CYYR1: variants seen among roughly 807,000 people sequenced by gnomAD.
CYYR1 encodes cysteine and tyrosine-rich protein 1.
In CYYR1, 14 loss-of-function variants were observed where a neutral mutation model predicts 15.2. That is an observed-to-expected ratio of 0.92 (90% confidence interval 0.61 to 1.44). The LOEUF is 1.44. Ranked by LOEUF, CYYR1 falls within the 40% of genes most tolerant of loss-of-function variation. The probability of loss-of-function intolerance (pLI) is 0.00; values close to 1 mark genes in which losing one functional copy is unlikely to be tolerated. For missense variants in CYYR1, 228 were observed against 209.5 expected, an observed-to-expected ratio of 1.09 and a Z score of -0.54; for synonymous variants, 80 against 77.4, an observed-to-expected ratio of 1.03 and a Z score of -0.18.
chr21:26,549,204 C>T (rs187295213), intron 2 of CYYR1, among the ~76,000 whole-genome samples: 2 of 152,274 alleles, frequency 1.3e-5, no homozygotes, highest in East Asian at 1.9e-4. Context: ...TCTTTTCTCT[C>T]ATGTGCTACT....
chr21:26,473,494 G>A (rs186511598), intron 3 of CYYR1, among the ~76,000 whole-genome samples: 50 of 152,242 alleles, frequency 3.3e-4, no homozygotes, highest in African/African-American at 1.0e-3. Flanking sequence ...GAGAAAGACA[G>A]GTTTCCTTAT....
intron 2 of CYYR1, among the ~76,000 whole-genome samples, chr21:26,511,261 A>G (rs568751397): frequency 2.0e-5 from 3 of 152,356 alleles, no homozygotes; most frequent in Non-Finnish European, 4.4e-5. Flanking sequence ...TATTAGTAAC[A>G]TCTTTACAGT....
rs750724977 is a variant in CYYR1 at position 26,468,561 on chromosome 21, G to T, written c.408C>A (p.Thr136=). 3.8e-5 allele frequency: 61 copies of T among 1,613,496 alleles called. No individual in the cohort carries two copies. Among genetic ancestry groups the T allele is most frequent in the Non-Finnish European group, 4.8e-5 (57 of 1,179,696 alleles). Residue 136 remains threonine (T), a synonymous_variant, in exon 4 of 4, where the codon ACC becomes ACA. Coordinates refer to ENST00000652641, the MANE Select transcript of CYYR1 (RefSeq NM_001320768.2). ...GAGAACGCTGTGCTGGACCCTGTGG[G>T]GTGGGGGAGTATGGAGGAGGCAAGT... is the stretch of plus-strand genomic sequence containing the variant. ...CADLPPPYSP[T]PQGPAQRSPP...
chr21:26,482,993 C>T (rs2065202760), intron 2 of CYYR1, among the ~76,000 whole-genome samples: 1 of 151,858 alleles, frequency 6.6e-6, no homozygotes, highest in Non-Finnish European at 1.5e-5. Context: ...ATTTTTTCTT[C>T]ACTATTTTCT....
intron 2 of CYYR1, among the ~76,000 whole-genome samples, chr21:26,530,646 T>C (rs1331091358): frequency 6.6e-6 from 1 of 152,028 alleles, no homozygotes; most frequent in Non-Finnish European, 1.5e-5. Context: ...CGGTGTGTGA[T>C]GTTCCCCTCC....
intron 2 of CYYR1, among the ~76,000 whole-genome samples, chr21:26,544,842 T>C (rs781010386): frequency 2.6e-5 from 4 of 152,054 alleles, no homozygotes; most frequent in Non-Finnish European, 4.4e-5. Context: ...TCCCAGCACT[T>C]TGGGAGGTTG....
chr21:26,533,799 G>C (rs1569163741), intron 2 of CYYR1, among the ~76,000 whole-genome samples: 1 of 152,140 alleles, frequency 6.6e-6, no homozygotes, highest in Admixed American at 6.6e-5. Flanking sequence ...AATGCTTGCT[G>C]TTCGTCTGAG....
intron 2 of CYYR1, chr21:26,483,318 C>T (rs2065208582): frequency 3.2e-6 from 1 of 313,458 alleles, no homozygotes; most frequent in Admixed American, 6.5e-5. Flanking sequence ...TTTCCTCGTC[C>T]TGTCTGGGTT....
intron 2 of CYYR1, among the ~76,000 whole-genome samples, chr21:26,536,610 T>C (rs1488289756): frequency 6.6e-6 from 1 of 152,196 alleles, no homozygotes; most frequent in Non-Finnish European, 1.5e-5. Flanking sequence ...AAGCTTTGCT[T>C]TTAAAATTCA....
At chr21:26,540,367 C>CT (rs1752005770) in intron 2 of CYYR1, among the ~76,000 whole-genome samples, 1 of 152,110 alleles carries the variant, frequency 6.6e-6, no homozygotes, top group Non-Finnish European at 1.5e-5. Context: ...TCAGAATAAG[C>CT]TAGTTAGCTA....
intron 3 of CYYR1, among the ~76,000 whole-genome samples, chr21:26,473,275 C>T (rs1569136892): frequency 6.6e-6 from 1 of 152,034 alleles, no homozygotes; most frequent in Non-Finnish European, 1.5e-5. Context: ...TTTCCTTAAC[C>T]CCACCCAGAA....
At chr21:26,482,565 A>G in intron 2 of CYYR1, 1 of 956,272 alleles carries the variant, frequency 1.0e-6, no homozygotes, top group Non-Finnish European at 1.2e-6. Flanking sequence ...TGTTTGTTGA[A>G]GCACGTTCCT....
At chr21:26,517,058 T>C (rs1365094688) in intron 2 of CYYR1, among the ~76,000 whole-genome samples, 1 of 123,644 alleles carries the variant, frequency 8.1e-6, no homozygotes, top group Non-Finnish European at 1.6e-5. Context: ...GAGCTTGCAG[T>C]GAGCCGAGAT....
At chr21:26,488,557 C>T (rs981691206) in intron 2 of CYYR1, among the ~76,000 whole-genome samples, 18 of 152,060 alleles carry the variant, frequency 1.2e-4, no homozygotes, top group Admixed American at 2.6e-4. Flanking sequence ...CTGGCGAGTA[C>T]TACATCTTCC....
chr21:26,549,591 C>T (rs1450709630), intron 2 of CYYR1, among the ~76,000 whole-genome samples: 1 of 152,056 alleles, frequency 6.6e-6, no homozygotes, highest in African/African-American at 2.4e-5. Context: ...ATTCTGTATG[C>T]TGTATGTTAA....
chr21:26,524,112 G>C (rs976306649), intron 2 of CYYR1, among the ~76,000 whole-genome samples: 1 of 152,106 alleles, frequency 6.6e-6, no homozygotes, highest in African/African-American at 2.4e-5. Context: ...GTAGGTTAAG[G>C]GTGGCCTATA....
chr21:26,481,271 G>A (rs1003911321), intron 2 of CYYR1, among the ~76,000 whole-genome samples: 1 of 152,120 alleles, frequency 6.6e-6, no homozygotes, highest in Admixed American at 6.6e-5. Context: ...TAGCACATAA[G>A]CATAAATACT....
At chr21:26,568,505 AC>A (rs1980796951) in intron 1 of CYYR1, 1 of 152,100 alleles carries the variant, frequency 6.6e-6, no homozygotes, top group Non-Finnish European at 1.5e-5. Flanking sequence ...AAACTATAAG[AC>A]TCCTAGAAGA....
At chr21:26,492,906 C>T (rs2065347473) in intron 2 of CYYR1, among the ~76,000 whole-genome samples, 1 of 151,950 alleles carries the variant, frequency 6.6e-6, no homozygotes. Context: ...GAGAGGACGG[C>T]ATCTATCATA....
Sources: gnomAD v4.1 joint callset for allele counts (sites outside exome capture counted in the v4.1 genomes callset) on GRCh38, gnomAD v4.1.1 for gene constraint, MANE v1.5 for transcripts, NCBI Gene and HGNC (gene_info 2026-07-23, HGNC 2026-07-21) for gene names.